Variants in ALDH5A1 observed in about 807,000 individuals in gnomAD.
ALDH5A1 encodes succinate-semialdehyde dehydrogenase, mitochondrial.
Under a neutral mutation model 54.7 loss-of-function variants are expected in ALDH5A1, and 33 were observed. That is an observed-to-expected ratio of 0.60 (90% CI 0.46 to 0.81). The LOEUF (loss-of-function observed/expected upper bound fraction) is 0.81. ALDH5A1 is among the 30% of genes least tolerant of loss of function. The pLI is 0.00. For missense variants in ALDH5A1, 657 were observed against 711.0 expected, an observed-to-expected ratio of 0.92 and a Z score of 0.86; for synonymous variants, 294 against 292.7, an observed-to-expected ratio of 1.00 and a Z score of -0.05.
Position 24,522,862 on chromosome 6 carries a change from A to G in ALDH5A1, c.1110A>G (p.Val370=), listed in dbSNP as rs1332470722. 4.3e-6 allele frequency: 7 copies of G among 1,614,094 alleles called. No individual in the cohort carries two copies. The highest frequency in any genetic ancestry group is 5.9e-6 in the Non-Finnish European group (7 of 1,180,034). The change falls in exon 7 of 10, where the codon GTA becomes GTG. Residue 370 remains valine (V), a synonymous_variant. Coordinates refer to ENST00000357578, the MANE Select transcript of ALDH5A1 (RefSeq NM_001080.3). ...FAEAMKKNLR[V]GNGFEEGTTQ... is the part of the protein sequence containing the mutation. The stretch of plus-strand genomic sequence containing the variant: ...AGGCCATGAAGAAGAACCTGCGCGT[A>G]GGTAATGGATTTGAGGAAGGAACTA...
At chr6:24,514,509 T>A (rs949746706) in intron 4 of ALDH5A1, among the ~76,000 whole-genome samples, 20 of 152,126 alleles carry the variant, frequency 1.3e-4, no homozygotes, top group Non-Finnish European at 2.9e-4. Flanking sequence ...GAGGCTGAGG[T>A]GGGCGGATCA....
At chr6:24,503,655 A>G (rs1369936913) in intron 3 of ALDH5A1, among the ~76,000 whole-genome samples, 1 of 152,156 alleles carries the variant, frequency 6.6e-6, no homozygotes, top group Non-Finnish European at 1.5e-5. Context: ...AATGCCTGCA[A>G]AAGTGGGATG....
chr6:24,531,966 G>C (rs1759945026), intron 8 of ALDH5A1, 153 bp from the exon 9 acceptor site: 1 of 722,198 alleles, frequency 1.4e-6, no homozygotes, highest in Non-Finnish European at 2.5e-6. Context: ...ATCGGGGAAT[G>C]GTGCTGCTTT....
chr6:24,523,019 T>A, intron 7 of ALDH5A1, 94 bp downstream of exon 7: 1 of 693,696 alleles, frequency 1.4e-6, no homozygotes, highest in Non-Finnish European at 2.3e-6. Context: ...GGGGTGGGGA[T>A]AGAGAGGGGT....
chr6:24,495,452 T>G, intron 1 of ALDH5A1, 102 bp downstream of exon 1: 1 of 1,155,260 alleles, frequency 8.7e-7, no homozygotes, highest in African/African-American at 1.6e-5. Flanking sequence ...GCCTCCCTCC[T>G]GTGCTCAGTT....
intron 8 of ALDH5A1, among the ~76,000 whole-genome samples, 154 bp downstream of exon 8, chr6:24,528,320 A>T (rs565994667): frequency 1.4e-4 from 21 of 152,246 alleles, no homozygotes; most frequent in Non-Finnish European, 1.8e-4. Context: ...ATGGGTTTTT[A>T]AAAAAATCAT....
Position 24,495,041 on chromosome 6 carries a change from C to T in ALDH5A1, c.45C>T (p.Leu15=), listed in dbSNP as rs1178414428. Residue 15 remains leucine (L), a synonymous_variant, in exon 1 of 10, where the codon CTC becomes CTT. Coordinates refer to ENST00000357578, the MANE Select transcript of ALDH5A1 (RefSeq NM_001080.3). ...TGCGGAGCTGTGGGGCCCGGCGCCT[C>T]GGGTCGACGTTTCCAGGCTGCCGCC... ...IWLRSCGARR[L]GSTFPGCRLR... 2.2e-6 allele frequency: 3 copies of T among 1,350,962 alleles called. No homozygotes were observed. Among genetic ancestry groups the T allele is most frequent in the African/African-American group, 3.0e-5 (2 of 66,894 alleles). The allele number at this position is 1,350,962 out of a possible 1,614,324, so 83.7% of individuals were successfully genotyped here.
At chr6:24,532,207 C>T in intron 9 of ALDH5A1, 30 bp downstream of exon 9, 1 of 1,608,768 alleles carries the variant, frequency 6.2e-7, no homozygotes, top group Non-Finnish European at 8.5e-7. Flanking sequence ...CAATACCAGT[C>T]ATAATCATTT....
intron 7 of ALDH5A1, among the ~76,000 whole-genome samples, chr6:24,526,974 GTATATATATA>G (rs58873176): frequency 1.3e-4 from 4 of 30,598 alleles, no homozygotes; most frequent in African/African-American, 9.9e-5. Context: ...ATGTGTGTGT[GTATATATATA>G]TATATATATA....
chr6:24,507,089 A>G (rs184267504), intron 4 of ALDH5A1, among the ~76,000 whole-genome samples: 1 of 152,358 alleles, frequency 6.6e-6, no homozygotes, highest in Admixed American at 6.5e-5. Context: ...CAACCATTAC[A>G]TGCTCTACTC....
At chr6:24,520,932 T>C (rs1759671837) in intron 6 of ALDH5A1, among the ~76,000 whole-genome samples, 1 of 152,258 alleles carries the variant, frequency 6.6e-6, no homozygotes, top group African/African-American at 2.4e-5. Context: ...GTTATTTTTA[T>C]AGTTTTCTTT....
intron 4 of ALDH5A1, among the ~76,000 whole-genome samples, chr6:24,505,320 G>C (rs1053188313): frequency 2.0e-5 from 3 of 152,176 alleles, no homozygotes; most frequent in African/African-American, 7.2e-5. Flanking sequence ...AGTTCAATCT[G>C]CATTCCATTA....
At chr6:24,524,420 G>A (rs1198780354) in intron 7 of ALDH5A1, among the ~76,000 whole-genome samples, 1 of 152,184 alleles carries the variant, frequency 6.6e-6, no homozygotes, top group Non-Finnish European at 1.5e-5. Context: ...TGCAACTGAA[G>A]AACCAGAAGC....
chr6:24,529,508 A>AT (rs1759887093), intron 8 of ALDH5A1, among the ~76,000 whole-genome samples: 1 of 151,874 alleles, frequency 6.6e-6, no homozygotes, highest in Non-Finnish European at 1.5e-5. Flanking sequence ...AAGAAATCTG[A>AT]TTCTTGCTTC....
intron 7 of ALDH5A1, among the ~76,000 whole-genome samples, chr6:24,524,754 C>A (rs892243710): frequency 6.6e-6 from 1 of 152,180 alleles, no homozygotes; most frequent in Admixed American, 6.5e-5. Flanking sequence ...CTAGTGAAGG[C>A]AATTTGGGTC....
Position 24,522,836 on chromosome 6 carries a change from G to A in ALDH5A1, c.1084G>A (p.Glu362Lys), listed in dbSNP as rs1222413080. 7.4e-6 allele frequency: 12 copies of A among 1,613,998 alleles called. No individual in the cohort carries two copies. Among genetic ancestry groups the A allele is most frequent in the South Asian group, 1.1e-5 (1 of 91,082 alleles). Residue 362 changes from glutamate (E) to lysine (K), a missense_variant, in exon 7 of 10, where the codon GAG becomes AAG. This residue lies in a region of ALDH5A1 where 425 missense variants were observed against 516.4 expected (regional missense o/e 0.82). Coordinates refer to ENST00000357578, the MANE Select transcript of ALDH5A1 (RefSeq NM_001080.3). ...TGATGCCTTTGTAAAAGCATTCGCC[G>A]AGGCCATGAAGAAGAACCTGCGCGT... is the stretch of plus-strand genomic sequence containing the variant. Reference protein sequence around the residue: ...IHDAFVKAFAEAMKKNLRVGN... With the variant: ...IHDAFVKAFAKAMKKNLRVGN...
At chr6:24,524,658 G>C (rs1381040227) in intron 7 of ALDH5A1, among the ~76,000 whole-genome samples, 1 of 152,142 alleles carries the variant, frequency 6.6e-6, no homozygotes, top group East Asian at 1.9e-4. Context: ...TCTAGATAAA[G>C]AAAATACATT....
chr6:24,529,447 G>A (rs1759885748), intron 8 of ALDH5A1, among the ~76,000 whole-genome samples: 1 of 152,164 alleles, frequency 6.6e-6, no homozygotes, highest in South Asian at 2.1e-4. Context: ...GATTACAGGT[G>A]TGAGTCACCA....
intron 2 of ALDH5A1, among the ~76,000 whole-genome samples, 161 bp from the exon 3 acceptor site, chr6:24,503,102 G>C (rs1759237893): frequency 6.6e-6 from 1 of 152,068 alleles, no homozygotes; most frequent in African/African-American, 2.4e-5. Flanking sequence ...TTGTAATTCT[G>C]CTTTTTAAAA....
Sources: allele counts gnomAD v4.1 joint callset (sites outside exome capture counted in the v4.1 genomes callset), GRCh38; gene constraint gnomAD v4.1.1; regional missense constraint gnomAD v4.1.1; transcripts MANE v1.5; gene names NCBI Gene and HGNC (gene_info 2026-07-23, HGNC 2026-07-21).